LMOD3: variants seen among roughly 807,000 people sequenced by gnomAD.
LMOD3 encodes the protein leiomodin-3.
In LMOD3, 31 loss-of-function variants were observed where a neutral mutation model predicts 41.8. That is an observed-to-expected ratio of 0.74 (90% CI 0.56 to 1.00). LMOD3 has a LOEUF of 1.00. Ranked by LOEUF, LMOD3 falls within the 50% of genes least tolerant of loss-of-function variation. The pLI is 0.00. For missense variants in LMOD3, 755 were observed against 679.5 expected (o/e 1.11, Z -1.23); for synonymous variants, 292 against 241.9 (o/e 1.21, Z -1.92).
rs2092330414 is a variant in LMOD3 at position 69,107,848 on chromosome 3, C to T, written c.*1247G>A. ...TACAAAAATCTCAAATTCTATGCACCTAGTGGCTAGAATGAATAATTAAGG... is the reference window on the plus strand; with the variant it reads ...TACAAAAATCTCAAATTCTATGCACTTAGTGGCTAGAATGAATAATTAAGG... On this transcript the variant is annotated 3_prime_UTR_variant, in exon 3 of 3. Transcript: ENST00000420581. 6.6e-6 allele frequency: 1 copy of T among 152,026 alleles called. No individual in the cohort carries two copies. The highest frequency in any genetic ancestry group is 1.5e-5 in the Non-Finnish European group (1 of 68,016). The allele number at this position is 152,026 out of a possible 1,614,324, so 9.4% of individuals were successfully genotyped here.
At chr3:69,121,699 T>C (rs1315954225) in intron 1 of LMOD3, among the ~76,000 whole-genome samples, 1 of 152,156 alleles carries the variant, frequency 6.6e-6, no homozygotes. Context: ...TGTTTGGATG[T>C]GCCAGAGAGA....
rs568760877 is a variant in LMOD3 at position 69,122,504 on chromosome 3, C to T, written c.-118G>A. 191 of 770,404 alleles carry T rather than the reference C, an allele frequency of 2.5e-4. No individual in the cohort carries two copies. The East Asian group carries it at 5.1e-3, about 21-fold the overall frequency. 47.7% of individuals were successfully genotyped at this position (770,404 alleles called of 1,614,324 possible). On this transcript the variant is annotated 5_prime_UTR_variant, in exon 1 of 3. Coordinates refer to ENST00000420581, the MANE Select transcript of LMOD3 (RefSeq NM_198271.5). Reference sequence around the variant, plus strand: ...TAACGAGTGTCCCAAGTTAACACACCCTTGAGATATTTTTTTTTTTTTCCC... The same window carrying T: ...TAACGAGTGTCCCAAGTTAACACACTCTTGAGATATTTTTTTTTTTTTCCC...
intron 2 of LMOD3, among the ~76,000 whole-genome samples, chr3:69,113,548 T>C (rs1046811627): frequency 6.6e-6 from 1 of 152,230 alleles, no homozygotes; most frequent in Non-Finnish European, 1.5e-5. Flanking sequence ...ATGGAGTCTT[T>C]TGATGTACTA....
At chr3:69,110,853 A>AAAAAAAAAAAATATATATATAT (rs1458630453) in intron 2 of LMOD3, among the ~76,000 whole-genome samples, 1 of 104,166 alleles carries the variant, frequency 9.6e-6, no homozygotes, top group African/African-American at 4.8e-5. Context: ...AAAAAAAAAA[A>AAAAAAAAAAAATATATATATAT]ATATATATAT....
intron 2 of LMOD3, among the ~76,000 whole-genome samples, chr3:69,115,224 G>A (rs1295324325): frequency 6.6e-6 from 1 of 152,104 alleles, no homozygotes; most frequent in African/African-American, 2.4e-5. Context: ...GCTGATGCCT[G>A]TAATCCCGCC....
chr3:69,118,591 G>T, intron 2 of LMOD3, 108 bp downstream of exon 2: 5 of 1,249,870 alleles, frequency 4.0e-6, no homozygotes, highest in Non-Finnish European at 5.4e-6. Context: ...TCCCCCAGTT[G>T]GTCTCAATTA....
intron 2 of LMOD3, among the ~76,000 whole-genome samples, chr3:69,109,452 G>A (rs886350772): frequency 2.8e-4 from 42 of 151,336 alleles, no homozygotes; most frequent in Middle Eastern, 3.4e-3. Context: ...AGTTTTCTCA[G>A]CTGTAAAATG....
intron 2 of LMOD3, among the ~76,000 whole-genome samples, chr3:69,116,230 G>A (rs1459402348): frequency 1.3e-5 from 2 of 152,222 alleles, no homozygotes; most frequent in Non-Finnish European, 2.9e-5. Flanking sequence ...TTTCATTAGT[G>A]CAAGGAGGCA....
chr3:69,120,517 C>A (rs1170487687), intron 1 of LMOD3, among the ~76,000 whole-genome samples: 1 of 151,252 alleles, frequency 6.6e-6, no homozygotes, highest in Non-Finnish European at 1.5e-5. Context: ...ACAATGTCTA[C>A]TAATCTAGTA....
intron 1 of LMOD3, among the ~76,000 whole-genome samples, chr3:69,120,339 T>C (rs369483113): frequency 1.3e-5 from 2 of 152,134 alleles, no homozygotes; most frequent in Admixed American, 6.5e-5. Context: ...CCTCATAGAA[T>C]TGTTCATCGA....
chr3:69,118,764 C>T lies in LMOD3; in HGVS notation c.1591G>A (p.Glu531Lys). Reference sequence around the variant, plus strand: ...AGCAGCTGATCTCTGGGAGTGATTTCCACCAATGGGGGTGGCCTGTTTCTC... The same window carrying T: ...AGCAGCTGATCTCTGGGAGTGATTTTCACCAATGGGGGTGGCCTGTTTCTC... ...VPRNRPPPLV[E>K]ITPRDQLLND... is the part of the protein sequence containing the mutation. Residue 531 changes from glutamate to lysine, a missense_variant, in exon 2 of 3, where the codon GAA becomes AAA. Transcript: ENST00000420581. The T allele has an allele frequency of 1.9e-6, 3 of 1,612,224 alleles. No individual in the cohort carries two copies. The highest frequency in any genetic ancestry group is 1.7e-4 in the Middle Eastern group (1 of 6,060).
At chr3:69,120,968 T>A (rs138071293) in intron 1 of LMOD3, among the ~76,000 whole-genome samples, 1 of 152,266 alleles carries the variant, frequency 6.6e-6, no homozygotes, top group Non-Finnish European at 1.5e-5. Flanking sequence ...ACAGGTTCAT[T>A]TGAGCAAAAA....
rs2092327682 is a variant in LMOD3, at chr3:69,107,452, G to GGTT, written c.*1640_*1642dup. 1 of 53,004 alleles carries GGTT rather than the reference G, an allele frequency of 1.9e-5. No homozygotes were observed. Among genetic ancestry groups the GGTT allele is most frequent in the Admixed American group, 2.0e-4 (1 of 5,112 alleles). 3.3% of individuals were successfully genotyped at this position (53,004 alleles called of 1,614,324 possible). On this transcript the variant is annotated 3_prime_UTR_variant, in exon 3 of 3. Transcript: ENST00000420581. The stretch of plus-strand genomic sequence containing the variant: ...TAAAGAAGAGAGAAAAGGCACCAAA[G>GGTT]GTTTTTTTTTTTTTTTTTTTTTTTT...
intron 2 of LMOD3, among the ~76,000 whole-genome samples, chr3:69,110,240 A>T (rs1404400741): frequency 1.3e-5 from 2 of 151,032 alleles, no homozygotes; most frequent in African/African-American, 2.4e-5. Context: ...TTTTTATTTT[A>T]TTTTTTTTAG....
rs753459417 is a variant in LMOD3, at chr3:69,119,899, ATCT to A, written c.453_455del (p.Glu151del). The A allele has an allele frequency of 3.2e-4, 460 of 1,456,474 alleles. 2 individuals are homozygous for A. The highest frequency in any genetic ancestry group is 1.9e-3 in the Middle Eastern group (11 of 5,792). The allele number at this position is 1,456,474 out of a possible 1,614,324, so 90.2% of individuals were successfully genotyped here. A position where few individuals can be genotyped will look rare whatever the true frequency, so the allele number is the denominator to read the frequency against. ...CTTCTCCTTCGTCGTCATCATCATCATCTTCTTCTTCTTCATCTTCTTCATCTG... is the reference window on the plus strand; with the variant it reads ...CTTCTCCTTCGTCGTCATCATCATCATCTTCTTCTTCATCTTCTTCATCTG... On this transcript the variant is annotated inframe_deletion, in exon 2 of 3. Coordinates refer to ENST00000420581, the MANE Select transcript of LMOD3 (RefSeq NM_198271.5).
chr3:69,108,426 T>C lies in LMOD3; in HGVS notation c.*669A>G, dbSNP rs2092332673. 1 of 152,186 alleles carries C rather than the reference T, an allele frequency of 6.6e-6. No homozygotes were observed. Among genetic ancestry groups the C allele is most frequent in the Non-Finnish European group, 1.5e-5 (1 of 68,048 alleles). The allele number at this position is 152,186 out of a possible 1,614,324, so 9.4% of individuals were successfully genotyped here. A position where few individuals can be genotyped will look rare whatever the true frequency, so the allele number is the denominator to read the frequency against. ...TTACTTTTCCTAGTGACACTTAGTT[T>C]TCACCATGTTCTGTGGCTTACGTGT... On this transcript the variant is annotated 3_prime_UTR_variant, in exon 3 of 3. Coordinates refer to ENST00000420581, the MANE Select transcript of LMOD3 (RefSeq NM_198271.5).
chr3:69,121,034 GAA>G (rs1231585088), intron 1 of LMOD3, among the ~76,000 whole-genome samples: 1 of 152,108 alleles, frequency 6.6e-6, no homozygotes, highest in East Asian at 1.9e-4. Context: ...TTAACCACCT[GAA>G]GTCTTCACCA....
At chr3:69,114,896 C>T (rs896522720) in intron 2 of LMOD3, among the ~76,000 whole-genome samples, 3 of 152,150 alleles carry the variant, frequency 2.0e-5, no homozygotes, top group Non-Finnish European at 4.4e-5. Flanking sequence ...CACAGGGTCT[C>T]ACTCTGTTGC....
chr3:69,121,107 G>C (rs757883306), intron 1 of LMOD3, among the ~76,000 whole-genome samples: 7 of 152,272 alleles, frequency 4.6e-5, no homozygotes, highest in African/African-American at 9.6e-5. Flanking sequence ...AGTTATACCA[G>C]AGGAAGGAAA....
Sources: allele counts gnomAD v4.1 joint callset (sites outside exome capture counted in the v4.1 genomes callset), GRCh38; gene constraint gnomAD v4.1.1; transcripts MANE v1.5; gene names NCBI Gene and HGNC (gene_info 2026-07-23, HGNC 2026-07-21).